Variants in CD6 observed in about 807,000 individuals in gnomAD.
The protein encoded by CD6 is CD6 molecule, also known as T-cell differentiation antigen CD6.
CD6 carries 53 observed loss-of-function variants against 75.3 expected under a neutral mutation model. That is an observed-to-expected ratio of 0.70 (90% confidence interval 0.56 to 0.88). CD6 has a LOEUF of 0.88. CD6 is among the 40% of genes least tolerant of loss of function. CD6 has a pLI of 0.00. For synonymous variants in CD6, 359 were observed against 381.5 expected (o/e 0.94, Z 0.69); for missense variants, 770 against 897.1 (o/e 0.86, Z 1.81).
At chr11:60,977,596 C>G (rs3019562) in intron 1 of CD6, among the ~76,000 whole-genome samples, 76,658 of 152,128 alleles carry the variant, frequency 0.5, 22,167 homozygotes, top group East Asian at 0.9. Context: ...GTGTCATCCA[C>G]CTGACAATTT....
intron 1 of CD6, among the ~76,000 whole-genome samples, chr11:60,998,559 A>G (rs1401684153): frequency 6.6e-6 from 1 of 152,084 alleles, no homozygotes; most frequent in African/African-American, 2.4e-5. Context: ...GCCCCCAACA[A>G]TGCTGACATT....
At position 60,994,465 on chromosome 11, in the gene CD6, A is replaced by AAAAAAAAAAAAAC. The variant is rs1554993198; in HGVS notation, c.50-12103_50-12102insAAAAAACAAAAAA. 7.6e-4 allele frequency among the ~76,000 whole-genome samples: 105 copies of AAAAAAAAAAAAAC among 138,394 alleles called. 7 individuals are homozygous for AAAAAAAAAAAAAC. The Middle Eastern group carries it at 0.016, about 21-fold the overall frequency. 90.8% of individuals were successfully genotyped at this position (138,394 alleles called of 152,430 possible). ...CTCCCCAACACCCCCGCCAAAAAAA[A>AAAAAAAAAAAAAC]AAAAAAGCTGAATTTCTTTGACCTG... On this transcript the variant is annotated intron_variant, in intron 1 of 12. Transcript: ENST00000313421.
In CD6 at chr11:61,018,288, G is replaced by T. The variant is rs1175080083; in HGVS notation, c.1838-1G>T. The T allele has an allele frequency of 6.3e-7, 1 of 1,594,664 alleles. No individual in the cohort carries two copies. Among genetic ancestry groups the T allele is most frequent in the Non-Finnish European group, 8.5e-7 (1 of 1,170,760 alleles). On this transcript the variant is annotated splice_acceptor_variant, in intron 11 of 12. Coordinates refer to ENST00000313421, the MANE Select transcript of CD6 (RefSeq NM_006725.5). LOFTEE classifies it high-confidence loss of function. ...GGGTGACTGGTTCTGGGGGTTTCCAGCAGGGCCCCCGGCTGATGACAGCTC... is the reference window on the plus strand; with the variant it reads ...GGGTGACTGGTTCTGGGGGTTTCCATCAGGGCCCCCGGCTGATGACAGCTC...
intron 1 of CD6, among the ~76,000 whole-genome samples, chr11:60,986,308 A>G (rs1444353014): frequency 3.3e-5 from 5 of 152,214 alleles, no homozygotes; most frequent in African/African-American, 9.6e-5. Flanking sequence ...ATGGGCCTTC[A>G]GTCTCACCAG....
At chr11:61,005,931 C>CAA (rs11461659) in intron 1 of CD6, among the ~76,000 whole-genome samples, 1,550 of 137,882 alleles carry the variant, frequency 0.011, 14 homozygotes, top group African/African-American at 0.018. Flanking sequence ...AACTCTGTCT[C>CAA]AAAAAAAAAA....
At position 61,011,124 on chromosome 11, in the gene CD6, C is replaced by T; in HGVS notation, c.1139C>T (p.Thr380Ile). The T allele has an allele frequency of 1.2e-6, 2 of 1,613,698 alleles. 1 individual carries two copies. The highest frequency in any genetic ancestry group is 2.2e-5 in the South Asian group (2 of 91,076). Reference sequence around the variant, plus strand: ...CCCGAAGTCCCTGCAAGTGTTCAGACAGTCACTATAGGTAAGTGTTGCTGG... The same window carrying T: ...CCCGAAGTCCCTGCAAGTGTTCAGATAGTCACTATAGGTAAGTGTTGCTGG... ...STPEVPASVQ[T>I]VTIESSVTVK... Residue 380 changes from threonine to isoleucine, a missense_variant, in exon 6 of 13, where the codon ACA becomes ATA. Thr to Ile is a moderately conservative substitution (Grantham distance 89). Coordinates refer to ENST00000313421, the MANE Select transcript of CD6 (RefSeq NM_006725.5).
At chr11:60,991,026 T>C (rs948799662) in intron 1 of CD6, among the ~76,000 whole-genome samples, 6 of 152,002 alleles carry the variant, frequency 3.9e-5, no homozygotes, top group African/African-American at 1.4e-4. Context: ...ATGTGAACAA[T>C]TTTTTCTATA....
At position 61,007,673 on chromosome 11, in the gene CD6, G is replaced by A. The variant is rs1858930015; in HGVS notation, c.232G>A (p.Ala78Thr). 3 of 1,419,914 alleles carry A rather than the reference G, an allele frequency of 2.1e-6. No homozygotes were observed. Among genetic ancestry groups the A allele is most frequent in the East Asian group, 3.0e-5 (1 of 32,832 alleles). 88.0% of individuals were successfully genotyped at this position (1,419,914 alleles called of 1,614,324 possible). The change falls in exon 3 of 13, where the codon GCC becomes ACC. Residue 78 changes from alanine (A) to threonine (T), a missense_variant. Transcript: ENST00000313421. The surrounding 1 kb of genome is among the most constrained non-coding windows in gnomAD (Gnocchi z 4.2). ...PACGALWDSR[A>T]AEAVCRALGC... The stretch of plus-strand genomic sequence containing the variant: ...GTGCGGGGCGCTCTGGGACAGCCGC[G>A]CCGCCGAGGCCGTGTGCCGAGCACT...
chr11:61,015,907 G>T lies in CD6; in HGVS notation c.1510+72G>T, dbSNP rs191553207. On this transcript the variant is annotated intron_variant, in intron 9 of 12. Coordinates refer to ENST00000313421, the MANE Select transcript of CD6 (RefSeq NM_006725.5). ...GAGGGGGCCCCGAGGGGACCGTCAG[G>T]TCAGTAGTCCCACCTAGTAACCCCT... 6.8e-5 allele frequency: 107 copies of T among 1,574,754 alleles called. No individual in the cohort carries two copies. The East Asian group carries it at 1.5e-3, about 21-fold the overall frequency.
intron 1 of CD6, among the ~76,000 whole-genome samples, chr11:60,992,005 G>A (rs762999079): frequency 4.6e-5 from 7 of 151,868 alleles, no homozygotes; most frequent in Non-Finnish European, 7.4e-5. Flanking sequence ...TCAGCCTCTC[G>A]ACTAGCTGGG....
rs397692376 is a variant in CD6 at position 60,992,343 on chromosome 11, T to TA, written c.50-14230dup. Among the ~76,000 whole-genome samples the TA allele has an allele frequency of 2.8e-5, 4 of 143,734 alleles. No homozygotes were observed. The Admixed American group carries it at 2.9e-4, about 10-fold the overall frequency. The allele number at this position is 143,734 out of a possible 152,430, so 94.3% of individuals were successfully genotyped here. A position where few individuals can be genotyped will look rare whatever the true frequency, so the allele number is the denominator to read the frequency against. On this transcript the variant is annotated intron_variant, in intron 1 of 12. Transcript: ENST00000313421. The stretch of plus-strand genomic sequence containing the variant: ...CCCAGCTTGTGAGGCTTTTTTTTTT[T>TA]ATATATAACTATGAGGTGAGGGAGG...
chr11:61,009,722 C>A lies in CD6; in HGVS notation c.932C>A (p.Ala311Glu), dbSNP rs139338843. ...VLCQSLGCGT[A>E]VERPKGLPHS... ...TGCCAGTCCTTGGGCTGTGGAACTG[C>A]GGTTGAGAGGCCCAAGGGGCTGCCC... Residue 311 changes from alanine to glutamate, a missense_variant, in exon 5 of 13, where the codon GCG becomes GAG. Coordinates refer to ENST00000313421, the MANE Select transcript of CD6 (RefSeq NM_006725.5). 165 of 1,614,044 alleles carry A rather than the reference C, an allele frequency of 1.0e-4. No homozygotes were observed. In the African/African-American group the frequency reaches 1.7e-3, roughly 17 times the overall value.
chr11:61,000,539 G>A (rs1040923106), intron 1 of CD6, among the ~76,000 whole-genome samples: 5 of 152,188 alleles, frequency 3.3e-5, no homozygotes, highest in Non-Finnish European at 5.9e-5. Flanking sequence ...TGTAGCTGGT[G>A]TTGACCTGAC....
intron 1 of CD6, among the ~76,000 whole-genome samples, chr11:60,974,511 C>T (rs560163744): frequency 6.6e-6 from 1 of 152,310 alleles, no homozygotes; most frequent in African/African-American, 2.4e-5. Flanking sequence ...TCCCAAAGTG[C>T]TGGGATTACA....
intron 1 of CD6, among the ~76,000 whole-genome samples, chr11:60,974,856 G>C (rs1279036095): frequency 2.0e-5 from 3 of 152,126 alleles, no homozygotes; most frequent in Admixed American, 6.6e-5. Flanking sequence ...CAGTGGAAGG[G>C]GGGTGCTCTG....
chr11:60,999,327 C>A (rs1249882895), intron 1 of CD6, among the ~76,000 whole-genome samples: 1 of 150,746 alleles, frequency 6.6e-6, no homozygotes, highest in African/African-American at 2.4e-5. Flanking sequence ...TGCTTAGAAT[C>A]TAGTGAGCCG....
At chr11:60,979,714 C>T (rs769210777) in intron 1 of CD6, among the ~76,000 whole-genome samples, 20 of 152,092 alleles carry the variant, frequency 1.3e-4, no homozygotes, top group South Asian at 2.1e-4. Flanking sequence ...GTGATCCACC[C>T]GCCCGCCTCA....
intron 1 of CD6, among the ~76,000 whole-genome samples, chr11:60,984,477 C>T (rs768905441): frequency 7.9e-5 from 12 of 152,198 alleles, no homozygotes; most frequent in Admixed American, 1.3e-4. Context: ...CACCTTAGGG[C>T]TAGTTCTCCC....
chr11:60,980,876 C>T (rs571676662), intron 1 of CD6, among the ~76,000 whole-genome samples: 81 of 152,144 alleles, frequency 5.3e-4, no homozygotes, highest in African/African-American at 1.9e-3. Context: ...GAAAGAAAGA[C>T]CCATTTGAGC....
Sources: gnomAD v4.1 joint callset for allele counts (sites outside exome capture counted in the v4.1 genomes callset) on GRCh38, gnomAD v4.1.1 for gene constraint, Gnocchi (gnomAD v3.1) non-coding constraint, MANE v1.5 for transcripts, NCBI Gene and HGNC (gene_info 2026-07-23, HGNC 2026-07-21) for gene names.